Variants in RPS6KC1 observed in about 807,000 individuals in gnomAD.
The protein encoded by RPS6KC1 is ribosomal protein S6 kinase C1, also known as inactive ribosomal protein S6 kinase delta-1.
In RPS6KC1, 54 loss-of-function variants were observed where a neutral mutation model predicts 103.8. The ratio of observed to expected loss-of-function variants is 0.52; its 90% CI spans 0.42 to 0.65. The LOEUF (loss-of-function observed/expected upper bound fraction) is 0.65, where lower values mean the gene tolerates loss of function less well. Ranked by LOEUF, RPS6KC1 falls within the 30% of genes least tolerant of loss-of-function variation. The probability of loss-of-function intolerance (pLI) is 0.00; values close to 1 mark genes in which losing one functional copy is unlikely to be tolerated. For missense variants in RPS6KC1, 1,151 were observed against 1,253.8 expected (o/e 0.92, Z 1.24); for synonymous variants, 439 against 438.7 (o/e 1.00, Z -0.01).
downstream of RPS6KC1, among the ~76,000 whole-genome samples, chr1:213,275,843 C>T (rs749791002): frequency 2.0e-5 from 3 of 152,188 alleles, no homozygotes; most frequent in Non-Finnish European, 4.4e-5. Context: ...GAAACTTTTA[C>T]CCTTTGACCA....
chr1:213,315,550 G>T, the RPS6KC1 span, among the ~76,000 whole-genome samples: 1 of 152,158 alleles, frequency 6.6e-6, no homozygotes, highest in Non-Finnish European at 1.5e-5. Context: ...ATTCATTGCA[G>T]GTTCCCTTTA....
At position 213,254,735 on chromosome 1, in the gene RPS6KC1, T is replaced by C. The variant is rs17020350; in HGVS notation, c.2912-6823T>C. 4.4e-3 allele frequency among the ~76,000 whole-genome samples: 664 copies of C among 152,342 alleles called. 4 individuals carry two copies. Among genetic ancestry groups the C allele is most frequent in the African/African-American group, 0.015 (640 of 41,576 alleles). On this transcript the variant is annotated intron_variant, in intron 12 of 14. Transcript: ENST00000366960. Reference sequence around the variant, plus strand: ...GACAAAAATCCAGGATTCTTTGATATCACCATCTCTTTTTGAGTTTTTGTG... The same window carrying C: ...GACAAAAATCCAGGATTCTTTGATACCACCATCTCTTTTTGAGTTTTTGTG...
At chr1:213,154,870 T>TA (rs2089690064) in intron 6 of RPS6KC1, among the ~76,000 whole-genome samples, 1 of 151,364 alleles carries the variant, frequency 6.6e-6, no homozygotes, top group African/African-American at 2.4e-5. Flanking sequence ...GAGTCTCACT[T>TA]AAAGTCTGCA....
chr1:213,390,706 C>G, the RPS6KC1 span, among the ~76,000 whole-genome samples: 2 of 152,118 alleles, frequency 1.3e-5, no homozygotes, highest in South Asian at 2.1e-4. Flanking sequence ...GAAATTTTCT[C>G]GACACAAACA....
At chr1:213,369,333 A>G in the RPS6KC1 span, among the ~76,000 whole-genome samples, 2 of 152,368 alleles carry the variant, frequency 1.3e-5, no homozygotes, top group South Asian at 4.1e-4. Context: ...TCAGATGTTG[A>G]AAGTCTCTTC....
At chr1:213,788,035 G>A in the RPS6KC1 span, among the ~76,000 whole-genome samples, 1 of 152,116 alleles carries the variant, frequency 6.6e-6, no homozygotes, top group Non-Finnish European at 1.5e-5. Flanking sequence ...TACCCAGTGG[G>A]GCATGGTGGA....
At chr1:213,580,547 G>C in the RPS6KC1 span, among the ~76,000 whole-genome samples, 2 of 152,040 alleles carry the variant, frequency 1.3e-5, no homozygotes, top group Admixed American at 1.3e-4. Flanking sequence ...TGGGTAAAAT[G>C]CTATCAAATA....
the RPS6KC1 span, among the ~76,000 whole-genome samples, chr1:213,659,856 C>T: frequency 3.3e-5 from 5 of 152,124 alleles, no homozygotes; most frequent in Non-Finnish European, 5.9e-5. Flanking sequence ...AAAGGGAAGT[C>T]GTTTATCTAA....
chr1:213,549,866 A>C, the RPS6KC1 span, among the ~76,000 whole-genome samples: 1 of 151,898 alleles, frequency 6.6e-6, no homozygotes, highest in Non-Finnish European at 1.5e-5. Context: ...AAAATACTAA[A>C]ATAGGCCCCA....
the RPS6KC1 span, among the ~76,000 whole-genome samples, chr1:213,666,531 T>C: frequency 2.0e-3 from 299 of 152,362 alleles, no homozygotes; most frequent in African/African-American, 6.8e-3. Context: ...AGACATTTGA[T>C]ACATACTAAT....
chr1:213,729,888 C>T, the RPS6KC1 span, among the ~76,000 whole-genome samples: 2 of 152,104 alleles, frequency 1.3e-5, no homozygotes, highest in African/African-American at 2.4e-5. Flanking sequence ...AAACCTACTG[C>T]CCAATAGTTA....
At chr1:213,296,867 T>G in the RPS6KC1 span, among the ~76,000 whole-genome samples, 3 of 152,196 alleles carry the variant, frequency 2.0e-5, no homozygotes, top group African/African-American at 7.2e-5. Context: ...TTTAGAGTTT[T>G]TTTTAAAGGT....
chr1:213,548,748 C>T, the RPS6KC1 span, among the ~76,000 whole-genome samples: 1 of 152,088 alleles, frequency 6.6e-6, no homozygotes, highest in African/African-American at 2.4e-5. Context: ...GAGGGACACA[C>T]AGGTATTAGT....
the RPS6KC1 span, among the ~76,000 whole-genome samples, chr1:213,437,744 C>A: frequency 6.6e-6 from 1 of 150,574 alleles, no homozygotes; most frequent in Non-Finnish European, 1.5e-5. Context: ...AATTTTTCTG[C>A]CTTTTGTTTT....
the RPS6KC1 span, among the ~76,000 whole-genome samples, chr1:213,741,176 T>A: frequency 7.3e-5 from 11 of 151,592 alleles, no homozygotes; most frequent in Non-Finnish European, 1.6e-4. Flanking sequence ...TGTTTTGCTA[T>A]ATGTTTACAT....
intron 5 of RPS6KC1, 87 bp from the exon 6 acceptor site, chr1:213,129,440 T>C: frequency 1.4e-6 from 2 of 1,388,402 alleles, no homozygotes; most frequent in Non-Finnish European, 2.0e-6. Flanking sequence ...ACTTGGATAA[T>C]ATGAAAAATG....
Position 213,261,638 on chromosome 1 carries a change from A to G in RPS6KC1, c.2992A>G (p.Lys998Glu). 6.2e-7 allele frequency: 1 copy of G among 1,613,268 alleles called. No individual in the cohort carries two copies. The highest frequency in any genetic ancestry group is 8.5e-7 in the Non-Finnish European group (1 of 1,179,210). ...GAVLFELLTG[K>E]TLVECHPAGI... ...TGTCCTCTTTGAACTTCTCACTGGC[A>G]AGGTAAGCAGTGGCCTGGACGTTTA... is the stretch of plus-strand genomic sequence containing the variant. The change falls in exon 13 of 15, where the codon AAG (lysine) becomes GAG (glutamate). Residue 998 changes from lysine (K) to glutamate (E), a missense_variant and splice_region_variant. Lys to Glu is a moderately conservative substitution (Grantham distance 56, BLOSUM62 1). Transcript: ENST00000366960.
the RPS6KC1 span, among the ~76,000 whole-genome samples, chr1:213,481,757 A>G: frequency 1.3e-5 from 2 of 152,226 alleles, no homozygotes; most frequent in African/African-American, 4.8e-5. Context: ...TTAATAGACT[A>G]AGAATGTGCT....
chr1:213,530,769 T>C, the RPS6KC1 span, among the ~76,000 whole-genome samples: 4 of 152,344 alleles, frequency 2.6e-5, no homozygotes, highest in East Asian at 7.7e-4. Context: ...GCTTGAAGCC[T>C]CCATCTGGCC....
Sources: allele counts gnomAD v4.1 joint callset (sites outside exome capture counted in the v4.1 genomes callset), GRCh38; gene constraint gnomAD v4.1.1; transcripts MANE v1.5; gene names NCBI Gene and HGNC (gene_info 2026-07-23, HGNC 2026-07-21).